The following PHF21A variants were observed in gnomAD, a reference collection of about 807,000 sequenced individuals.
PHF21A encodes the protein PHD finger protein 21A.
PHF21A carries 11 observed loss-of-function variants against 82.5 expected under a neutral mutation model. That is an observed-to-expected ratio of 0.13 (90% CI 0.08 to 0.22). PHF21A has a LOEUF of 0.22. PHF21A is among the 10% of genes least tolerant of loss of function. The pLI is 1.00. For missense variants in PHF21A, 579 were observed against 837.8 expected, an observed-to-expected ratio of 0.69 and a Z score of 3.81; for synonymous variants, 297 against 302.8, an observed-to-expected ratio of 0.98 and a Z score of 0.20.
At chr11:46,012,886 C>CT (rs902201661) in intron 6 of PHF21A, among the ~76,000 whole-genome samples, 42 of 152,288 alleles carry the variant, frequency 2.8e-4, no homozygotes, top group African/African-American at 8.7e-4. Context: ...CTCTTTACAT[C>CT]TAATTAGTCT....
At chr11:46,110,896 C>T (rs576744356) in intron 1 of PHF21A, among the ~76,000 whole-genome samples, 22 of 151,880 alleles carry the variant, frequency 1.4e-4, no homozygotes, top group African/African-American at 5.3e-4. Flanking sequence ...AGCGATTCTC[C>T]TGCCTCAGCC....
chr11:46,087,265 G>A (rs2096867398), intron 3 of PHF21A, among the ~76,000 whole-genome samples: 1 of 152,158 alleles, frequency 6.6e-6, no homozygotes, highest in African/African-American at 2.4e-5. Context: ...CTCAGGAAAA[G>A]AAAAAGTTAA....
At chr11:46,065,428 G>A (rs1231041616) in intron 6 of PHF21A, among the ~76,000 whole-genome samples, 1 of 152,174 alleles carries the variant, frequency 6.6e-6, no homozygotes, top group African/African-American at 2.4e-5. Context: ...AGTGGTTGCC[G>A]ACATGCTGAG....
chr11:46,012,326 T>C (rs1591963589), intron 6 of PHF21A, among the ~76,000 whole-genome samples: 1 of 152,202 alleles, frequency 6.6e-6, no homozygotes. Flanking sequence ...CTCTTTCTCT[T>C]GGCCCAGAAA....
chr11:46,007,071 T>C (rs1463737072), intron 6 of PHF21A, among the ~76,000 whole-genome samples: 5 of 152,294 alleles, frequency 3.3e-5, no homozygotes, highest in African/African-American at 1.2e-4. Flanking sequence ...ACAAAAACAC[T>C]TAAATATAGA....
At chr11:45,945,479 G>A (rs2091157811) in intron 15 of PHF21A, among the ~76,000 whole-genome samples, 1 of 152,190 alleles carries the variant, frequency 6.6e-6, no homozygotes, top group Non-Finnish European at 1.5e-5. Context: ...GGGACTGTAT[G>A]TCTTGTTCAT....
At position 46,010,907 on chromosome 11, in the gene PHF21A, T is replaced by A. The variant is rs184079599; in HGVS notation, c.154-30941A>T. Among the ~76,000 whole-genome samples the A allele has an allele frequency of 2.2e-3, 330 of 152,220 alleles. 1 individual carries two copies. The highest frequency in any genetic ancestry group is 1.6e-3 in the Non-Finnish European group (109 of 68,010). ...AGGCAGTGAACAGCATCATACCAGCTCCTTTCTCTCCTACTATAATAAATA... is the reference window on the plus strand; with the variant it reads ...AGGCAGTGAACAGCATCATACCAGCACCTTTCTCTCCTACTATAATAAATA... On this transcript the variant is annotated intron_variant, in intron 6 of 18. Coordinates refer to ENST00000676320, the MANE Select transcript of PHF21A (RefSeq NM_001352027.3).
rs2093723572 is a variant in PHF21A at position 45,971,245 on chromosome 11, G to A, written c.483C>T (p.Ala161=). 3 of 1,614,190 alleles carry A rather than the reference G, an allele frequency of 1.9e-6. No homozygotes were observed. In the East Asian group the frequency reaches 6.7e-5, roughly 36 times the overall value. Residue 161 remains alanine, a synonymous_variant, in exon 8 of 19, where the codon GCC becomes GCT. Coordinates refer to ENST00000676320, the MANE Select transcript of PHF21A (RefSeq NM_001352027.3). ...GQRPTIAMVT[A]INSQKAVLST... The stretch of plus-strand genomic sequence containing the variant: ...TGAGCACAGCCTTCTGACTGTTGAT[G>A]GCGGTCACCATAGCAATGGTAGGTC...
intron 15 of PHF21A, among the ~76,000 whole-genome samples, chr11:45,938,877 A>G (rs2089745611): frequency 6.6e-6 from 1 of 151,082 alleles, no homozygotes; most frequent in African/African-American, 2.4e-5. Context: ...TCTGTCACCC[A>G]GGCTGGAGTG....
In PHF21A at chr11:45,953,587, T is replaced by G. The variant is rs763315176; in HGVS notation, c.1035A>C (p.Thr345=). The change falls in exon 11 of 19, where the codon ACA becomes ACC. Residue 345 remains threonine, a synonymous_variant. Coordinates refer to ENST00000676320, the MANE Select transcript of PHF21A (RefSeq NM_001352027.3). ...KSHTETDEKQ[T]ESRTITPPAA... is the part of the protein sequence containing the mutation. ...CAGGTGGGGTGATGGTGCGGCTCTCTGTTTGTTTCTCATCTGTTTCTGTGT... is the reference window on the plus strand; with the variant it reads ...CAGGTGGGGTGATGGTGCGGCTCTCGGTTTGTTTCTCATCTGTTTCTGTGT... 13 of 1,613,964 alleles carry G rather than the reference T, an allele frequency of 8.1e-6. No homozygotes were observed. Among genetic ancestry groups the G allele is most frequent in the Non-Finnish European group, 1.0e-5 (12 of 1,179,846 alleles).
At chr11:45,973,093 AAATAAAAATAAAAACTAAATT>A in intron 7 of PHF21A, among the ~76,000 whole-genome samples, 1 of 152,234 alleles carries the variant, frequency 6.6e-6, no homozygotes, top group African/African-American at 2.4e-5. Flanking sequence ...AAAAATAAAT[AAATAAAAATAAAAACTAAATT>A]AATTAAATGT....
intron 6 of PHF21A, among the ~76,000 whole-genome samples, chr11:45,995,098 T>A (rs1020200354): frequency 5.9e-5 from 9 of 152,158 alleles, no homozygotes; most frequent in African/African-American, 2.2e-4. Flanking sequence ...GAAGAGACAA[T>A]TATTTCCATC....
intron 6 of PHF21A, among the ~76,000 whole-genome samples, chr11:45,992,412 C>T (rs1325619966): frequency 1.3e-5 from 2 of 150,300 alleles, no homozygotes; most frequent in African/African-American, 2.4e-5. Flanking sequence ...TGGTGGCGGG[C>T]GCCTGTAGTC....
chr11:45,993,224 T>C (rs2094778953), intron 6 of PHF21A, among the ~76,000 whole-genome samples: 1 of 152,222 alleles, frequency 6.6e-6, no homozygotes, highest in African/African-American at 2.4e-5. Context: ...GAGTAGACCC[T>C]AAATGAAAAA....
intron 1 of PHF21A, among the ~76,000 whole-genome samples, chr11:46,106,756 TAAC>T (rs1338239311): frequency 3.3e-5 from 5 of 152,306 alleles, no homozygotes; most frequent in Admixed American, 3.3e-4. Context: ...ATAAACTGCC[TAAC>T]AACAGAAAAA....
intron 6 of PHF21A, among the ~76,000 whole-genome samples, chr11:46,067,379 C>T (rs76754758): frequency 2.0e-5 from 3 of 152,020 alleles, no homozygotes; most frequent in Non-Finnish European, 2.9e-5. Context: ...AGGTAAGTGA[C>T]GTAGTAACAT....
At chr11:45,963,671 A>AAG in intron 10 of PHF21A, among the ~76,000 whole-genome samples, 1 of 152,168 alleles carries the variant, frequency 6.6e-6, no homozygotes, top group Non-Finnish European at 1.5e-5. Flanking sequence ...GTCTCCTAAA[A>AAG]ATATCTTTAT....
intron 11 of PHF21A, 87 bp downstream of exon 11, chr11:45,953,440 T>G: frequency 1.3e-6 from 1 of 777,718 alleles, no homozygotes; most frequent in Non-Finnish European, 2.3e-6. Context: ...GTTCATTTCA[T>G]CATTCAGAGA....
At position 45,965,428 on chromosome 11, in the gene PHF21A, T is replaced by C. The variant is rs930124204; in HGVS notation, c.883A>G (p.Ile295Val). Residue 295 changes from isoleucine (I) to valine (V), a missense_variant, in exon 10 of 19, where the codon ATA (isoleucine) becomes GTA (valine). By Grantham distance (29) the Ile-to-Val change is conservative. Transcript: ENST00000676320. ...VRVVNGQTAT[I>V]AKTFPMAQLT... ...TGGGCCATGGGGAACGTTTTGGCTA[T>C]GGTTGCAGTCTGCCCATTGACGACA... 5.0e-6 allele frequency: 8 copies of C among 1,614,000 alleles called. No individual in the cohort carries two copies. The highest frequency in any genetic ancestry group is 6.8e-6 in the Non-Finnish European group (8 of 1,180,018).
Sources: gnomAD v4.1 joint callset for allele counts (sites outside exome capture counted in the v4.1 genomes callset) on GRCh38, gnomAD v4.1.1 for gene constraint, MANE v1.5 for transcripts, NCBI Gene and HGNC (gene_info 2026-07-23, HGNC 2026-07-21) for gene names.